The following NPC1 variants were observed in gnomAD, a reference collection of about 807,000 sequenced individuals.
The protein encoded by NPC1 is Niemann-Pick C1 protein.
In NPC1, 85 loss-of-function variants were observed where a neutral mutation model predicts 140.4. That is an observed-to-expected ratio of 0.61 (90% CI 0.51 to 0.72). NPC1 has a LOEUF of 0.72. NPC1 is among the 30% of genes least tolerant of loss of function. NPC1 has a pLI of 0.00. For synonymous variants in NPC1, 656 were observed against 624.8 expected, an observed-to-expected ratio of 1.05 and a Z score of -0.74; for missense variants, 1,504 against 1,623.8, an observed-to-expected ratio of 0.93 and a Z score of 1.27.
chr18:23,533,640 G>T, intron 23 of NPC1, 123 bp from the exon 24 acceptor site: 1 of 961,478 alleles, frequency 1.0e-6, no homozygotes, highest in Non-Finnish European at 1.7e-6. Context: ...CTGAGTAGCT[G>T]GGATTAAACA....
At chr18:23,566,114 A>T (rs889109465) in intron 4 of NPC1, among the ~76,000 whole-genome samples, 2 of 152,104 alleles carry the variant, frequency 1.3e-5, no homozygotes, top group African/African-American at 4.8e-5. Context: ...TAAAAAAATA[A>T]TGGACTCGGC....
At chr18:23,559,881 C>T (rs2059012709) in intron 6 of NPC1, among the ~76,000 whole-genome samples, 1 of 152,014 alleles carries the variant, frequency 6.6e-6, no homozygotes, top group African/African-American at 2.4e-5. Flanking sequence ...TTGCTTAAAC[C>T]TGGGAGGTGG....
intron 1 of NPC1, among the ~76,000 whole-genome samples, chr18:23,574,845 A>G (rs1018012669): frequency 2.0e-5 from 3 of 152,224 alleles, no homozygotes; most frequent in African/African-American, 7.2e-5. Flanking sequence ...CTATTTTTAT[A>G]TAAAGAGAAT....
intron 10 of NPC1, 67 bp from the exon 11 acceptor site, chr18:23,548,175 G>T (rs2058815485): frequency 1.1e-6 from 1 of 901,902 alleles, no homozygotes; most frequent in South Asian, 1.3e-5. Context: ...CACATACCAG[G>T]GGAAAAATCA....
At chr18:23,506,888 G>T in intron 3 of NPC1, 1 of 974,084 alleles carries the variant, frequency 1.0e-6, no homozygotes. Flanking sequence ...CCTGAATATA[G>T]ATTGTGTCTT....
At chr18:23,515,477 TGCTTTTTATTCTC>T (rs896187367) in intron 3 of NPC1, among the ~76,000 whole-genome samples, 1 of 152,224 alleles carries the variant, frequency 6.6e-6, no homozygotes, top group Admixed American at 6.5e-5. Flanking sequence ...GGGTTTCTTC[TGCTTTTTATTCTC>T]AGAGCGCACT....
At chr18:23,527,405 AAAT>A (rs369275891), downstream of NPC1, among the ~76,000 whole-genome samples, 64 of 151,762 alleles carry the variant, frequency 4.2e-4, no homozygotes, top group South Asian at 3.7e-3. Flanking sequence ...ATCCAAAAAA[AAAT>A]AATAATAATA....
In NPC1 at chr18:23,531,836, T is replaced by G. The variant is rs1241797005; in HGVS notation, c.*366A>C. 9.5e-6 allele frequency: 14 copies of G among 1,471,232 alleles called. No individual in the cohort carries two copies. The highest frequency in any genetic ancestry group is 1.2e-5 in the Non-Finnish European group (14 of 1,120,752). The allele number at this position is 1,471,232 out of a possible 1,614,324, so 91.1% of individuals were successfully genotyped here. A position where few individuals can be genotyped will look rare whatever the true frequency, so the allele number is the denominator to read the frequency against. ...TGTCACTAAAAATATGGTATAGAACTTGTGGGATGGCTTACTCCTAAAAGG... is the reference window on the plus strand; with the variant it reads ...TGTCACTAAAAATATGGTATAGAACGTGTGGGATGGCTTACTCCTAAAAGG... On this transcript the variant is annotated 3_prime_UTR_variant, in exon 25 of 25. Coordinates refer to ENST00000269228, the MANE Select transcript of NPC1 (RefSeq NM_000271.5).
rs117840595 is a variant in NPC1 at position 23,543,815 on chromosome 18, G to A, written c.2131-246C>T. On this transcript the variant is annotated intron_variant, in intron 13 of 24. Coordinates refer to ENST00000269228, the MANE Select transcript of NPC1 (RefSeq NM_000271.5). Reference sequence around the variant, plus strand: ...CAGCCACATTATCAGGAAAACACTCGGAACACAGGCGGCAGGGGACTGGAC... The same window carrying A: ...CAGCCACATTATCAGGAAAACACTCAGAACACAGGCGGCAGGGGACTGGAC... Among the ~76,000 whole-genome samples, 5 of 152,198 alleles carry A rather than the reference G, an allele frequency of 3.3e-5. No individual in the cohort carries two copies. In the East Asian group the frequency reaches 5.8e-4, roughly 18 times the overall value.
rs780592540 is a variant in NPC1, at chr18:23,539,936, G to A, written c.2670C>T (p.Tyr890=). 6.8e-6 allele frequency: 11 copies of A among 1,614,186 alleles called. No individual in the cohort carries two copies. The highest frequency in any genetic ancestry group is 1.3e-5 in the African/African-American group (1 of 75,034). Reference sequence around the variant, plus strand: ...AGTCGTGCCCTTCCTCCAGGACAAAGTACACAGGCGGACCCGCATGCAGGT... The same window carrying A: ...AGTCGTGCCCTTCCTCCAGGACAAAATACACAGGCGGACCCGCATGCAGGT... ...SQYLHAGPPV[Y]FVLEEGHDYT... Residue 890 remains tyrosine, a synonymous_variant, in exon 18 of 25, where the codon TAC becomes TAT. Transcript: ENST00000269228.
Position 23,534,441 on chromosome 18 carries a change from CT to C in NPC1, c.3591+4del, listed in dbSNP as rs794727371. The C allele has an allele frequency of 2.4e-5, 39 of 1,604,832 alleles. No homozygotes were observed. Among genetic ancestry groups the C allele is most frequent in the Non-Finnish European group, 3.3e-5 (39 of 1,172,992 alleles). On this transcript the variant is annotated splice_donor_region_variant and intron_variant, in intron 23 of 24. Coordinates refer to ENST00000269228, the MANE Select transcript of NPC1 (RefSeq NM_000271.5). ...TGCCGGCGTGGCCCTGCTCAGGGTACTCACGGAGCTGCCCATGTGGGCAAGT... is the reference window on the plus strand; with the variant it reads ...TGCCGGCGTGGCCCTGCTCAGGGTACCACGGAGCTGCCCATGTGGGCAAGT...
chr18:23,529,998 T>G, downstream of NPC1: 1 of 1,566,600 alleles, frequency 6.4e-7, no homozygotes, highest in Non-Finnish European at 8.8e-7. Flanking sequence ...GATTTGGAAG[T>G]GTTCTTTCAC....
chr18:23,543,024 C>T (rs1035396806), intron 14 of NPC1, among the ~76,000 whole-genome samples: 5 of 152,020 alleles, frequency 3.3e-5, no homozygotes, highest in African/African-American at 1.2e-4. Flanking sequence ...CAGAACAAAG[C>T]TTAAAAAAAG....
At chr18:23,529,817 C>T, downstream of NPC1, 1 of 1,214,072 alleles carries the variant, frequency 8.2e-7, no homozygotes, top group Non-Finnish European at 1.2e-6. Context: ...GGTCTGCCTC[C>T]CTGACTCAGA....
At chr18:23,534,821 G>T (rs1246356550) in intron 22 of NPC1, among the ~76,000 whole-genome samples, 1 of 152,162 alleles carries the variant, frequency 6.6e-6, no homozygotes, top group Non-Finnish European at 1.5e-5. Context: ...AACCCGTTAA[G>T]GTCACCCCAC....
chr18:23,510,633 C>T (rs1007603432), intron 3 of NPC1, among the ~76,000 whole-genome samples: 18 of 150,472 alleles, frequency 1.2e-4, no homozygotes, highest in South Asian at 6.3e-4. Flanking sequence ...GGCAACAGAG[C>T]GAGACTCCGT....
At chr18:23,560,091 G>A in intron 6 of NPC1, 140 bp downstream of exon 6, 2 of 993,858 alleles carry the variant, frequency 2.0e-6, no homozygotes, top group South Asian at 2.7e-5. Flanking sequence ...AATAGCTGTA[G>A]GACACAATAA....
In NPC1 at chr18:23,541,096, A is replaced by G. The variant is rs1478494768; in HGVS notation, c.2486T>C (p.Leu829Pro). The change falls in exon 16 of 25, where the codon CTG (leucine) becomes CCG (proline). Residue 829 changes from leucine to proline, a missense_variant. Coordinates refer to ENST00000269228, the MANE Select transcript of NPC1 (RefSeq NM_000271.5). Reference sequence around the variant, plus strand: ...AATTGGTCTCATCCAGTCCTTTAGCAGAAGTGGAGAATAGGAGTTTTTGAA... The same window carrying G: ...AATTGGTCTCATCCAGTCCTTTAGCGGAAGTGGAGAATAGGAGTTTTTGAA... ...RFFKNSYSPL[L>P]LKDWMRPIVI... 1 of 1,614,240 alleles carries G rather than the reference A, an allele frequency of 6.2e-7. No homozygotes were observed. Among genetic ancestry groups the G allele is most frequent in the South Asian group, 1.1e-5 (1 of 91,082 alleles).
downstream of NPC1, among the ~76,000 whole-genome samples, chr18:23,531,227 G>C (rs973386461): frequency 1.3e-5 from 2 of 152,076 alleles, no homozygotes; most frequent in Non-Finnish European, 1.5e-5. Context: ...CTGACCTCAT[G>C]ATCCGCCTGC....
Sources: gnomAD v4.1 joint callset for allele counts (sites outside exome capture counted in the v4.1 genomes callset) on GRCh38, gnomAD v4.1.1 for gene constraint, MANE v1.5 for transcripts, NCBI Gene and HGNC (gene_info 2026-07-23, HGNC 2026-07-21) for gene names.